RPS6KA2: variants seen among roughly 807,000 people sequenced by gnomAD.
RPS6KA2 encodes the protein ribosomal protein S6 kinase alpha-2.
Under a neutral mutation model 91.8 loss-of-function variants are expected in RPS6KA2, and 42 were observed. That is an observed-to-expected ratio of 0.46 (90% confidence interval 0.36 to 0.59). The LOEUF is 0.59. Ranked by LOEUF, RPS6KA2 falls within the 20% of genes least tolerant of loss-of-function variation. The pLI is 0.00. For missense variants in RPS6KA2, 798 were observed against 978.5 expected, an observed-to-expected ratio of 0.82 and a Z score of 2.46; for synonymous variants, 414 against 393.6, an observed-to-expected ratio of 1.05 and a Z score of -0.61.
chr6:166,444,580 G>A (rs988988135), intron 14 of RPS6KA2, among the ~76,000 whole-genome samples: 1 of 152,222 alleles, frequency 6.6e-6, no homozygotes, highest in Non-Finnish European at 1.5e-5. Flanking sequence ...CACTGGCTGG[G>A]GGCACCGGCA....
At chr6:166,830,989 G>A (rs1780169925) in intron 2 of RPS6KA2, among the ~76,000 whole-genome samples, 1 of 152,206 alleles carries the variant, frequency 6.6e-6, no homozygotes, top group Non-Finnish European at 1.5e-5. Context: ...TGGTTGGGGA[G>A]TTTCTTCTGC....
intron 3 of RPS6KA2, among the ~76,000 whole-genome samples, chr6:166,511,624 G>T (rs759960693): frequency 2.0e-5 from 3 of 152,202 alleles, no homozygotes; most frequent in Non-Finnish European, 4.4e-5. Context: ...AGCCCCATGA[G>T]CGATGGGAGA....
upstream of RPS6KA2, among the ~76,000 whole-genome samples, chr6:166,630,569 A>C (rs1397150906): frequency 6.6e-6 from 1 of 152,224 alleles, no homozygotes; most frequent in Non-Finnish European, 1.5e-5. Context: ...CCATCTGCGA[A>C]AGCAGGAAGT....
intron 16 of RPS6KA2, among the ~76,000 whole-genome samples, chr6:166,427,564 G>C (rs1247151634): frequency 6.6e-6 from 1 of 152,162 alleles, no homozygotes; most frequent in African/African-American, 2.4e-5. Context: ...CACTGTCTCA[G>C]CCCAAAATCT....
At chr6:166,606,728 T>C (rs1785968257) in intron 1 of RPS6KA2, among the ~76,000 whole-genome samples, 1 of 152,130 alleles carries the variant, frequency 6.6e-6, no homozygotes, top group South Asian at 2.1e-4. Context: ...AATAAAAACA[T>C]GAGAAGATGC....
chr6:166,457,560 A>G (rs1181247662), intron 12 of RPS6KA2, among the ~76,000 whole-genome samples: 1 of 152,068 alleles, frequency 6.6e-6, no homozygotes, highest in Non-Finnish European at 1.5e-5. Flanking sequence ...TTTTAATTCT[A>G]CCTGGGGACT....
intron 1 of RPS6KA2, among the ~76,000 whole-genome samples, chr6:166,591,997 C>T (rs1020596235): frequency 1.3e-5 from 2 of 152,112 alleles, no homozygotes; most frequent in African/African-American, 4.8e-5. Context: ...TCACTCAGAG[C>T]TTAGACAATG....
rs1018889714 is a variant in RPS6KA2, at chr6:166,666,238, C to T, written c.124-127454G>A. Among the ~76,000 whole-genome samples the T allele has an allele frequency of 3.3e-5, 5 of 151,994 alleles. No individual in the cohort carries two copies. The highest frequency in any genetic ancestry group is 5.9e-5 in the Non-Finnish European group (4 of 67,996). On this transcript the variant is annotated intron_variant, in intron 2 of 21. Transcript: ENST00000503859. This position sits in a 1 kb window ranked among gnomAD's most constrained non-coding sequence, Gnocchi z 4.0. ...TCTGCTGTGCATCAGAGAGAGGGGG[C>T]GGGACTGGCATCTTCCCAGCAAAGT... is the stretch of plus-strand genomic sequence containing the variant.
chr6:166,467,047 C>G (rs28437543), intron 11 of RPS6KA2, among the ~76,000 whole-genome samples: 1 of 151,940 alleles, frequency 6.6e-6, no homozygotes, highest in Admixed American at 6.6e-5. Flanking sequence ...CACTCATTCA[C>G]TCACTCATTG....
intron 2 of RPS6KA2, among the ~76,000 whole-genome samples, chr6:166,680,635 G>A (rs970173667): frequency 2.0e-4 from 30 of 152,244 alleles, no homozygotes; most frequent in African/African-American, 5.8e-4. Flanking sequence ...CCAACCTTAT[G>A]AACTGTAACA....
intron 1 of RPS6KA2, among the ~76,000 whole-genome samples, chr6:166,561,974 T>A (rs557439707): frequency 6.6e-6 from 1 of 152,054 alleles, no homozygotes; most frequent in Non-Finnish European, 1.5e-5. Flanking sequence ...GTGCAAAGCA[T>A]TTTGCAAACA....
chr6:166,704,885 C>T (rs1789632596), intron 2 of RPS6KA2, among the ~76,000 whole-genome samples: 1 of 152,126 alleles, frequency 6.6e-6, no homozygotes, highest in Non-Finnish European at 1.5e-5. Flanking sequence ...CAGCATATTC[C>T]ATTTATTGGG....
In RPS6KA2 at chr6:166,700,888, TAA is replaced by T. The variant is rs1464638945; in HGVS notation, c.123+157310_123+157311del. 4.6e-5 allele frequency among the ~76,000 whole-genome samples: 7 copies of T among 152,344 alleles called. No individual in the cohort carries two copies. The South Asian group carries it at 8.3e-4, about 18-fold the overall frequency. Reference sequence around the variant, plus strand: ...CCACCCTTTTTTTGTGTGTTTGTTTTAAAGCTGGGTGTCATACATTTCAGAGA... The same window carrying T: ...CCACCCTTTTTTTGTGTGTTTGTTTTAGCTGGGTGTCATACATTTCAGAGA... On this transcript the variant is annotated intron_variant, in intron 2 of 21. Coordinates refer to the RPS6KA2 transcript ENST00000503859.
chr6:166,449,586 G>A (rs1391906614), intron 13 of RPS6KA2, among the ~76,000 whole-genome samples: 1 of 152,088 alleles, frequency 6.6e-6, no homozygotes, highest in African/African-American at 2.4e-5. Flanking sequence ...ATGGGAAAAT[G>A]ATGCCCACAA....
intron 2 of RPS6KA2, among the ~76,000 whole-genome samples, chr6:166,652,749 G>A (rs1787897770): frequency 3.3e-5 from 5 of 152,136 alleles, no homozygotes; most frequent in Non-Finnish European, 7.4e-5. Context: ...TGGAAGAGAT[G>A]CGGGTAGTGG....
At chr6:166,822,287 G>C (rs750080012) in intron 2 of RPS6KA2, among the ~76,000 whole-genome samples, 2 of 152,216 alleles carry the variant, frequency 1.3e-5, no homozygotes, top group African/African-American at 2.4e-5. Flanking sequence ...CCTTCTAAGA[G>C]GTAAATCAGC....
chr6:166,801,584 T>C (rs1779368415), intron 2 of RPS6KA2, among the ~76,000 whole-genome samples: 1 of 152,174 alleles, frequency 6.6e-6, no homozygotes, highest in South Asian at 2.1e-4. Flanking sequence ...TGGCCCCAAA[T>C]GTTCCTCCTG....
intron 10 of RPS6KA2, among the ~76,000 whole-genome samples, chr6:166,475,571 C>T (rs1004624552): frequency 6.6e-6 from 1 of 152,228 alleles, no homozygotes; most frequent in Admixed American, 6.5e-5. Context: ...CTGTCGCCCC[C>T]ACTCAAATAG....
rs980266137 is a variant in RPS6KA2, at chr6:166,862,194, G to T, written c.-24C>A. 4 of 1,613,904 alleles carry T rather than the reference G, an allele frequency of 2.5e-6. No individual in the cohort carries two copies. In the African/African-American group the frequency reaches 4.0e-5, roughly 16 times the overall value. On this transcript the variant is annotated 5_prime_UTR_variant, in exon 1 of 22. Transcript: ENST00000503859. ...ATTTTTAAACTTTCCTTTTCTGCTG[G>T]TCGAGTATTGATAGTAGGAAAGGAA...
Sources: gnomAD v4.1 joint callset for allele counts (sites outside exome capture counted in the v4.1 genomes callset) on GRCh38, gnomAD v4.1.1 for gene constraint, Gnocchi (gnomAD v3.1) non-coding constraint, MANE v1.5 for transcripts, NCBI Gene and HGNC (gene_info 2026-07-23, HGNC 2026-07-21) for gene names.